AMOT: variants seen among roughly 807,000 people sequenced by gnomAD.
AMOT encodes the protein angiomotin.
AMOT carries 11 observed loss-of-function variants against 67.0 expected under a neutral mutation model. That is an observed-to-expected ratio of 0.16 (90% confidence interval 0.10 to 0.27). The LOEUF is 0.27. AMOT is among the 10% of genes least tolerant of loss of function. The pLI, the probability that AMOT is intolerant of heterozygous loss-of-function variation, is 1.00. For synonymous variants in AMOT, 326 were observed against 321.4 expected, an observed-to-expected ratio of 1.01 and a Z score of -0.15; for missense variants, 753 against 852.0, an observed-to-expected ratio of 0.88 and a Z score of 1.45.
intron 1 of AMOT, among the ~76,000 whole-genome samples, chrX:112,835,029 T>C (rs1935098859): frequency 8.9e-6 from 1 of 112,364 alleles, no homozygotes; most frequent in African/African-American, 3.2e-5. Context: ...CTGTATGTTA[T>C]AAGAGAGCAA....
intron 8 of AMOT, among the ~76,000 whole-genome samples, chrX:112,796,419 G>C (rs1450172648): frequency 8.9e-6 from 1 of 112,144 alleles, no homozygotes; most frequent in Admixed American, 9.4e-5. Flanking sequence ...AGTCACTCTA[G>C]TTTCTAATCT....
intron 8 of AMOT, among the ~76,000 whole-genome samples, chrX:112,796,934 A>G (rs1933841561): frequency 8.9e-6 from 1 of 111,986 alleles, no homozygotes; most frequent in South Asian, 3.8e-4. Context: ...TACCACCGCC[A>G]CTAAAGAGTT....
chrX:112,829,017 G>T (rs995119281), intron 2 of AMOT, among the ~76,000 whole-genome samples: 2 of 111,976 alleles, frequency 1.8e-5, no homozygotes, highest in South Asian at 7.4e-4. Context: ...GATGTGAGGT[G>T]GATTGAACAG....
At chrX:112,810,855 GAGTC>G (rs60251484) in intron 6 of AMOT, among the ~76,000 whole-genome samples, 1,599 of 111,967 alleles carry the variant, frequency 0.014, 31 homozygotes, top group African/African-American at 0.05. Context: ...AAAATAAAAG[GAGTC>G]AGTCAGTCCT....
At chrX:112,800,789 T>C (rs1933989860) in intron 8 of AMOT, among the ~76,000 whole-genome samples, 1 of 112,002 alleles carries the variant, frequency 8.9e-6, no homozygotes, top group Non-Finnish European at 1.9e-5. Flanking sequence ...CTTAGAGAAT[T>C]GAGTAGAATT....
intron 12 of AMOT, chrX:112,780,330 G>A (rs1602747758): frequency 8.8e-6 from 1 of 113,420 alleles, no homozygotes; most frequent in Admixed American, 9.3e-5. Flanking sequence ...AATGTGCCTC[G>A]TGGTATCCAC....
intron 10 of AMOT, among the ~76,000 whole-genome samples, chrX:112,787,391 T>C (rs1791781185): frequency 8.9e-6 from 1 of 111,983 alleles, no homozygotes. Context: ...AATCATTGTG[T>C]TGAGTGCAAT....
intron 8 of AMOT, among the ~76,000 whole-genome samples, chrX:112,794,394 A>G (rs1328546260): frequency 9.0e-6 from 1 of 111,656 alleles, no homozygotes; most frequent in Non-Finnish European, 1.9e-5. Flanking sequence ...CACTGGGATG[A>G]TTTTCCACAA....
At chrX:112,800,924 A>G (rs1329755468) in intron 8 of AMOT, among the ~76,000 whole-genome samples, 1 of 111,684 alleles carries the variant, frequency 9.0e-6, no homozygotes, top group Non-Finnish European at 1.9e-5. Context: ...TTGAATCTCC[A>G]TGGCTTTCAT....
chrX:112,810,160 C>T (rs1003427065), intron 6 of AMOT, among the ~76,000 whole-genome samples, 174 bp from the exon 7 acceptor site: 2 of 111,596 alleles, frequency 1.8e-5, no homozygotes, highest in African/African-American at 3.3e-5. Flanking sequence ...TAGACCATGG[C>T]CGGGGAGGAG....
At chrX:112,836,086 C>T (rs748794953) in intron 1 of AMOT, among the ~76,000 whole-genome samples, 1 of 112,083 alleles carries the variant, frequency 8.9e-6, no homozygotes, top group African/African-American at 3.2e-5. Flanking sequence ...CTAATTTAAA[C>T]ATATTATTTT....
chrX:112,794,351 A>G (rs1481312978), intron 8 of AMOT, among the ~76,000 whole-genome samples: 1 of 111,825 alleles, frequency 8.9e-6, no homozygotes, highest in Non-Finnish European at 1.9e-5. Context: ...AAATTCCACA[A>G]AGCAAGCCAA....
At chrX:112,829,432 C>G (rs1426649964) in intron 2 of AMOT, among the ~76,000 whole-genome samples, 1 of 111,571 alleles carries the variant, frequency 9.0e-6, no homozygotes, top group African/African-American at 3.3e-5. Context: ...CCTGAGGCCC[C>G]CGCCCCAAAG....
rs1340623925 is a variant in AMOT at position 112,776,592 on chromosome X, C to A, written c.*1975G>T. The A allele has an allele frequency of 9.0e-6, 1 of 111,569 alleles. No homozygotes were observed. Among genetic ancestry groups the A allele is most frequent in the African/African-American group, 3.3e-5 (1 of 30,590 alleles). The allele number at this position is 111,569 out of a possible 1,213,427, so 9.2% of individuals were successfully genotyped here. ...ACACAGGCACACACACAAAATAATT[C>A]CTTTGGAAGATAATTAGGAAGGATA... On this transcript the variant is annotated 3_prime_UTR_variant, in exon 14 of 14. Coordinates refer to ENST00000371959, the MANE Select transcript of AMOT (RefSeq NM_001113490.2).
rs1427774185 is a variant in AMOT at position 112,775,242 on chromosome X, G to A, written c.*3325C>T. 3.5e-5 allele frequency: 4 copies of A among 112,680 alleles called. No homozygotes were observed. The highest frequency in any genetic ancestry group is 1.3e-4 in the African/African-American group (4 of 30,959). 9.3% of individuals were successfully genotyped at this position (112,680 alleles called of 1,213,427 possible). A position where few individuals can be genotyped will look rare whatever the true frequency, so the allele number is the denominator to read the frequency against. On this transcript the variant is annotated 3_prime_UTR_variant, in exon 14 of 14. Transcript: ENST00000371959. ...GGCAGGCTGAAATTGGTGGCAATTAGCCCACAGCTGATACCTTCCTTTGAA... is the reference window on the plus strand; with the variant it reads ...GGCAGGCTGAAATTGGTGGCAATTAACCCACAGCTGATACCTTCCTTTGAA...
chrX:112,819,229 C>T, intron 4 of AMOT: 1 of 356,647 alleles, frequency 2.8e-6, no homozygotes, highest in Non-Finnish European at 3.6e-6. Flanking sequence ...TGCACACACA[C>T]ACTCCACACT....
chrX:112,797,466 T>C (rs1425332080), intron 8 of AMOT, among the ~76,000 whole-genome samples: 1 of 111,415 alleles, frequency 9.0e-6, no homozygotes, highest in Non-Finnish European at 1.9e-5. Context: ...ATAACAGACT[T>C]CCTGAAATAG....
intron 8 of AMOT, among the ~76,000 whole-genome samples, chrX:112,796,613 A>G (rs1933826354): frequency 8.9e-6 from 1 of 112,225 alleles, no homozygotes. Flanking sequence ...TTCTTAATGT[A>G]GATCCCTAAA....
Position 112,815,528 on chromosome X carries a change from A to T in AMOT, c.1222T>A (p.Ser408Thr). 8.3e-7 allele frequency: 1 copy of T among 1,211,420 alleles called. No homozygotes were observed. The highest frequency in any genetic ancestry group is 1.1e-6 in the Non-Finnish European group (1 of 895,462). ...QPQQQPGEAYSAMPRAQPSSA... is the reference protein window; with the variant it reads ...QPQQQPGEAYTAMPRAQPSSA... ...GATGGCTGAGCCCGAGGCATAGCTG[A>T]ATAGGCTTCTCCTGGCTGCTGCTGT... The change falls in exon 5 of 14, where the codon TCA (serine) becomes ACA (threonine). Residue 408 changes from serine to threonine, a missense_variant. Physicochemically the swap from Ser to Thr is moderately conservative, Grantham distance 58. This residue lies in a region of AMOT where 297 missense variants were observed against 284.3 expected (regional missense o/e 1.04). Coordinates refer to ENST00000371959, the MANE Select transcript of AMOT (RefSeq NM_001113490.2).
Sources: allele counts gnomAD v4.1 joint callset (sites outside exome capture counted in the v4.1 genomes callset), GRCh38; gene constraint gnomAD v4.1.1; regional missense constraint gnomAD v4.1.1; transcripts MANE v1.5; gene names NCBI Gene and HGNC (gene_info 2026-07-23, HGNC 2026-07-21).